The following SEC14L1 variants were observed in gnomAD, a reference collection of about 807,000 sequenced individuals.
SEC14L1 encodes SEC14-like protein 1.
SEC14L1 carries 48 observed loss-of-function variants against 85.3 expected under a neutral mutation model. That is an observed-to-expected ratio of 0.56 (90% confidence interval 0.45 to 0.72). The LOEUF (loss-of-function observed/expected upper bound fraction) is 0.72. SEC14L1 is among the 30% of genes least tolerant of loss of function. The probability of loss-of-function intolerance (pLI) is 0.00; values close to 1 mark genes in which losing one functional copy is unlikely to be tolerated. For missense variants in SEC14L1, 682 were observed against 921.4 expected, an observed-to-expected ratio of 0.74 and a Z score of 3.36; for synonymous variants, 391 against 355.5, an observed-to-expected ratio of 1.10 and a Z score of -1.12.
intron 3 of SEC14L1, among the ~76,000 whole-genome samples, chr17:77,177,847 C>G (rs1974828775): frequency 6.6e-6 from 1 of 152,046 alleles, no homozygotes; most frequent in African/African-American, 2.4e-5. Context: ...CTGACATATA[C>G]CTAGTTCTTT....
At chr17:77,124,497 G>GGCT (rs1434083966) in intron 3 of SEC14L1, among the ~76,000 whole-genome samples, 1 of 152,326 alleles carries the variant, frequency 6.6e-6, no homozygotes, top group East Asian at 1.9e-4. Context: ...ACGGGAGGTA[G>GGCT]GCTGCTGAAC....
chr17:77,149,484 C>G (rs1973459958), intron 3 of SEC14L1, among the ~76,000 whole-genome samples: 1 of 152,000 alleles, frequency 6.6e-6, no homozygotes, highest in Admixed American at 6.6e-5. Flanking sequence ...TCTTGAGGTT[C>G]CAGGAGTTCG....
intron 4 of SEC14L1, 26 bp downstream of exon 4, chr17:77,190,978 A>G: frequency 6.2e-7 from 1 of 1,609,778 alleles, no homozygotes; most frequent in East Asian, 2.2e-5. Flanking sequence ...GACGTCTTGG[A>G]GGGAAAGGGC....
intron 4 of SEC14L1, 93 bp from the exon 5 acceptor site, chr17:77,191,088 G>A: frequency 6.6e-7 from 1 of 1,523,558 alleles, no homozygotes; most frequent in Non-Finnish European, 9.0e-7. Flanking sequence ...CGTCCTGGAG[G>A]GCAGCCCCCA....
Position 77,197,739 on chromosome 17 carries a change from G to C in SEC14L1, c.819+1428G>C, listed in dbSNP as rs139514176. ...ATTCTCCTGCCTCAGCCTCCTGAGA[G>C]CTGGGGTTAGCTCTGCCACCATTGC... On this transcript the variant is annotated intron_variant, in intron 8 of 16. Coordinates refer to ENST00000436233, the MANE Select transcript of SEC14L1 (RefSeq NM_001143998.2). Among the ~76,000 whole-genome samples, 867 of 152,098 alleles carry C rather than the reference G, an allele frequency of 5.7e-3. 10 individuals are homozygous for C. Among genetic ancestry groups the C allele is most frequent in the African/African-American group, 0.02 (824 of 41,480 alleles).
At chr17:77,186,706 C>T (rs956049346) in intron 3 of SEC14L1, among the ~76,000 whole-genome samples, 1 of 152,150 alleles carries the variant, frequency 6.6e-6, no homozygotes, top group Non-Finnish European at 1.5e-5. Flanking sequence ...TTCTCTAGTC[C>T]TTCTGGGATC....
intron 2 of SEC14L1, among the ~76,000 whole-genome samples, chr17:77,091,444 C>T (rs1246685688): frequency 2.0e-5 from 3 of 152,158 alleles, no homozygotes; most frequent in Non-Finnish European, 4.4e-5. Context: ...TGCAAAAGAG[C>T]ACTATGTGCA....
chr17:77,118,929 T>C (rs1972237318), intron 3 of SEC14L1, among the ~76,000 whole-genome samples: 1 of 152,194 alleles, frequency 6.6e-6, no homozygotes, highest in African/African-American at 2.4e-5. Flanking sequence ...AAGCCCTGGC[T>C]TTGCTGACTT....
At chr17:77,185,227 CAGAG>C (rs1975213535) in intron 3 of SEC14L1, 5 of 985,350 alleles carry the variant, frequency 5.1e-6, no homozygotes, top group Non-Finnish European at 4.8e-6. Flanking sequence ...CATTTGGTGG[CAGAG>C]TGACAGGCTT....
At chr17:77,152,590 C>T (rs1406309225) in intron 3 of SEC14L1, 1 of 151,116 alleles carries the variant, frequency 6.6e-6, no homozygotes, top group Non-Finnish European at 1.5e-5. Context: ...TGCAAGTTAT[C>T]TTGTGGTATT....
In SEC14L1 at chr17:77,100,426, C is replaced by CTTT. The variant is rs1459984586; in HGVS notation, c.-136+7080_-136+7081insTTT. Reference sequence around the variant, plus strand: ...TTTTTTCTTTTCTTTCTCTCTCTCTCTCTTTTTTTTTTTTTTTTTTTTTTT... The same window carrying CTTT: ...TTTTTTCTTTTCTTTCTCTCTCTCTCTTTTCTTTTTTTTTTTTTTTTTTTTTTT... On this transcript the variant is annotated intron_variant, in intron 3 of 19. Coordinates refer to the SEC14L1 transcript ENST00000392476. 2.0e-3 allele frequency among the ~76,000 whole-genome samples: 108 copies of CTTT among 54,790 alleles called. 1 individual carries two copies. The highest frequency in any genetic ancestry group is 2.6e-3 in the South Asian group (3 of 1,176). The allele number at this position is 54,790 out of a possible 152,430, so 35.9% of individuals were successfully genotyped here.
chr17:77,185,298 A>G (rs769910980), intron 3 of SEC14L1: 3 of 985,212 alleles, frequency 3.0e-6, no homozygotes, highest in Non-Finnish European at 3.6e-6. Context: ...TGACGCTGAC[A>G]GAGCTCTGGA....
chr17:77,183,852 C>T (rs1313418997), intron 3 of SEC14L1, among the ~76,000 whole-genome samples: 1 of 151,420 alleles, frequency 6.6e-6, no homozygotes, highest in African/African-American at 2.4e-5. Flanking sequence ...TTCGTTTAAG[C>T]GTCTAGGGTG....
At chr17:77,110,660 C>T (rs929768694) in intron 3 of SEC14L1, among the ~76,000 whole-genome samples, 1 of 151,516 alleles carries the variant, frequency 6.6e-6, no homozygotes, top group African/African-American at 2.4e-5. Context: ...GTGGGTGGAT[C>T]ATGAGGTCAG....
At chr17:77,156,119 T>C (rs929796110) in intron 3 of SEC14L1, among the ~76,000 whole-genome samples, 1 of 152,180 alleles carries the variant, frequency 6.6e-6, no homozygotes, top group Non-Finnish European at 1.5e-5. Context: ...CCTGGCTGAC[T>C]CTAGCTGGCT....
At chr17:77,165,622 G>T (rs1974248407) in intron 3 of SEC14L1, among the ~76,000 whole-genome samples, 1 of 152,148 alleles carries the variant, frequency 6.6e-6, no homozygotes, top group Non-Finnish European at 1.5e-5. Flanking sequence ...CAATTTATAT[G>T]ATAAGGGGAG....
Position 77,206,525 on chromosome 17 carries a change from A to G in SEC14L1, c.1341+125A>G, listed in dbSNP as rs1976471636. ...GGAAAAAAAACAATAACATGCAAAGATATAAAATTTCTCAAATTGTTTAAG... is the reference window on the plus strand; with the variant it reads ...GGAAAAAAAACAATAACATGCAAAGGTATAAAATTTCTCAAATTGTTTAAG... On this transcript the variant is annotated intron_variant, in intron 12 of 16. Coordinates refer to ENST00000436233, the MANE Select transcript of SEC14L1 (RefSeq NM_001143998.2). This position sits in a 1 kb window ranked among gnomAD's most constrained non-coding sequence, Gnocchi z 4.3. 6 of 1,307,028 alleles carry G rather than the reference A, an allele frequency of 4.6e-6. No individual in the cohort carries two copies. The South Asian group carries it at 7.5e-5, about 16-fold the overall frequency. 81.0% of individuals were successfully genotyped at this position (1,307,028 alleles called of 1,614,324 possible). A position where few individuals can be genotyped will look rare whatever the true frequency, so the allele number is the denominator to read the frequency against.
At chr17:77,190,272 G>A (rs1975462371) in intron 3 of SEC14L1, among the ~76,000 whole-genome samples, 2 of 151,914 alleles carry the variant, frequency 1.3e-5, no homozygotes, top group African/African-American at 2.4e-5. Flanking sequence ...AAAATCAGTC[G>A]GTGTTCCCTG....
At chr17:77,161,740 CA>C in intron 3 of SEC14L1, among the ~76,000 whole-genome samples, 1 of 91,060 alleles carries the variant, frequency 1.1e-5, no homozygotes, top group African/African-American at 4.2e-5. Context: ...TTTTTTTAAA[CA>C]ACCAGAGGTT....
Sources: gnomAD v4.1 joint callset for allele counts (sites outside exome capture counted in the v4.1 genomes callset) on GRCh38, gnomAD v4.1.1 for gene constraint, Gnocchi (gnomAD v3.1) non-coding constraint, MANE v1.5 for transcripts, NCBI Gene and HGNC (gene_info 2026-07-23, HGNC 2026-07-21) for gene names.